Variants in RHOA observed in about 807,000 individuals in gnomAD.
The protein encoded by RHOA is ras homolog family member A, also known as transforming protein RhoA.
In RHOA, 3 loss-of-function variants were observed where a neutral mutation model predicts 17.5. That is an observed-to-expected ratio of 0.17 (90% CI 0.08 to 0.44). The LOEUF (loss-of-function observed/expected upper bound fraction) is 0.44, where lower values mean the gene tolerates loss of function less well. RHOA is among the 20% of genes least tolerant of loss of function. The pLI is 0.99. For synonymous variants in RHOA, 98 were observed against 88.4 expected (o/e 1.11, Z -0.61); for missense variants, 56 against 242.3 (o/e 0.23, Z 5.10).
chr3:49,404,012 G>C (rs2048770292), intron 1 of RHOA, among the ~76,000 whole-genome samples: 1 of 146,628 alleles, frequency 6.8e-6, no homozygotes, highest in Non-Finnish European at 1.5e-5. Context: ...AGTGAAAGTT[G>C]AAGATAGCTG....
intron 1 of RHOA, among the ~76,000 whole-genome samples, chr3:49,404,413 T>TG (rs1488813217): frequency 2.5e-4 from 6 of 23,910 alleles, no homozygotes; most frequent in African/African-American, 6.7e-4. Context: ...GCCAACAAAG[T>TG]AAAACCCCGT....
intron 1 of RHOA, among the ~76,000 whole-genome samples, chr3:49,397,427 C>CCCA (rs1370894465): frequency 6.6e-6 from 1 of 152,058 alleles, no homozygotes; most frequent in East Asian, 1.9e-4. Flanking sequence ...TATACTAAAA[C>CCCA]CCACCAAACT....
chr3:49,391,756 C>T (rs533990702), intron 1 of RHOA, among the ~76,000 whole-genome samples: 1 of 152,008 alleles, frequency 6.6e-6, no homozygotes, highest in Non-Finnish European at 1.5e-5. Context: ...GGTGATCCGC[C>T]CACCTCAGCC....
At chr3:49,393,232 G>A (rs1293090873) in intron 1 of RHOA, among the ~76,000 whole-genome samples, 2 of 151,946 alleles carry the variant, frequency 1.3e-5, no homozygotes, top group Non-Finnish European at 2.9e-5. Context: ...CATCTTTTAC[G>A]CTTCCTTCTT....
chr3:49,393,729 T>TGTGA (rs1553635013), intron 1 of RHOA, among the ~76,000 whole-genome samples: 34 of 136,784 alleles, frequency 2.5e-4, no homozygotes, highest in Non-Finnish European at 4.3e-4. Context: ...TGTGTGTGTG[T>TGTGA]GACAGAATCT....
chr3:49,372,418 T>C (rs1390554535), intron 2 of RHOA, among the ~76,000 whole-genome samples: 1 of 152,154 alleles, frequency 6.6e-6, no homozygotes, highest in Non-Finnish European at 1.5e-5. Context: ...GCAATCATCG[T>C]GGCTCACTCT....
At chr3:49,411,018 T>C (rs1439888742) in intron 1 of RHOA, among the ~76,000 whole-genome samples, 2 of 152,258 alleles carry the variant, frequency 1.3e-5, no homozygotes, top group African/African-American at 4.8e-5. Context: ...GACCCGTAAC[T>C]GTAGATCCAA....
intron 1 of RHOA, among the ~76,000 whole-genome samples, chr3:49,380,033 GACT>G (rs893364851): frequency 6.6e-6 from 1 of 152,140 alleles, no homozygotes; most frequent in Non-Finnish European, 1.5e-5. Context: ...CTTTGTTGTA[GACT>G]ACACTTCCTA....
intron 1 of RHOA, among the ~76,000 whole-genome samples, chr3:49,397,956 G>T (rs889252387): frequency 6.6e-6 from 1 of 152,182 alleles, no homozygotes; most frequent in African/African-American, 2.4e-5. Flanking sequence ...GGACTGCTAG[G>T]CAGTGCTAAA....
chr3:49,388,116 C>T (rs1220549169), intron 1 of RHOA, among the ~76,000 whole-genome samples: 1 of 151,880 alleles, frequency 6.6e-6, no homozygotes, highest in Non-Finnish European at 1.5e-5. Flanking sequence ...AGGTGACCCT[C>T]CCACCTCAGC....
intron 1 of RHOA, among the ~76,000 whole-genome samples, chr3:49,411,340 T>A (rs2048931404): frequency 6.6e-6 from 1 of 152,268 alleles, no homozygotes; most frequent in Non-Finnish European, 1.5e-5. Flanking sequence ...GTAACTGGAC[T>A]TTAATCAATA....
chr3:49,367,342 C>CAAAAGAAAA (rs2048073159), intron 3 of RHOA, among the ~76,000 whole-genome samples: 1 of 80,482 alleles, frequency 1.2e-5, no homozygotes, highest in African/African-American at 5.1e-5. Flanking sequence ...GACTCCCTCT[C>CAAAAGAAAA]AAAAAAAAAA....
intron 1 of RHOA, among the ~76,000 whole-genome samples, 157 bp from the exon 2 acceptor site, chr3:49,375,748 T>C (rs1323329830): frequency 1.3e-5 from 2 of 152,148 alleles, no homozygotes; most frequent in African/African-American, 2.4e-5. Flanking sequence ...CAAAAGGTTA[T>C]ACATTAAAAA....
At chr3:49,401,542 G>A (rs1402071039) in intron 1 of RHOA, among the ~76,000 whole-genome samples, 1 of 121,108 alleles carries the variant, frequency 8.3e-6, no homozygotes, top group Non-Finnish European at 1.7e-5. Flanking sequence ...TGGGCGACAA[G>A]AATGAAACTC....
At chr3:49,410,191 G>T (rs928365317) in intron 1 of RHOA, among the ~76,000 whole-genome samples, 5 of 152,148 alleles carry the variant, frequency 3.3e-5, no homozygotes, top group Admixed American at 6.6e-5. Flanking sequence ...GACTCTGGAG[G>T]CCAACTGCTT....
intron 1 of RHOA, among the ~76,000 whole-genome samples, chr3:49,404,433 A>AACACACACACACACACACACACACAC (rs374020319): frequency 0.066 from 5,993 of 90,498 alleles, 580 homozygotes; most frequent in African/African-American, 0.11. Context: ...TCTCTAGTAA[A>AACACACACACACACACACACACACAC]ACACACACAC....
intron 2 of RHOA, among the ~76,000 whole-genome samples, chr3:49,371,806 G>C (rs192359630): frequency 6.6e-6 from 1 of 152,296 alleles, no homozygotes; most frequent in Non-Finnish European, 1.5e-5. Context: ...CATGCCTCAA[G>C]GTTTTAAGTC....
chr3:49,392,961 G>A (rs565743641), intron 1 of RHOA, among the ~76,000 whole-genome samples: 1 of 152,212 alleles, frequency 6.6e-6, no homozygotes, highest in East Asian at 1.9e-4. Flanking sequence ...TAGATCAGCT[G>A]AGGTCAGGAG....
At chr3:49,379,022 T>C (rs1338147689) in intron 1 of RHOA, among the ~76,000 whole-genome samples, 2 of 152,186 alleles carry the variant, frequency 1.3e-5, no homozygotes, top group Admixed American at 6.5e-5. Context: ...TGCAATTCTA[T>C]TCCTAGGTAT....
Sources: allele counts gnomAD v4.1 joint callset (sites outside exome capture counted in the v4.1 genomes callset), GRCh38; gene constraint gnomAD v4.1.1; transcripts MANE v1.5; gene names NCBI Gene and HGNC (gene_info 2026-07-23, HGNC 2026-07-21).